CPNE9: variants seen among roughly 807,000 people sequenced by gnomAD.
CPNE9 encodes the protein copine-9.
A neutral mutation model predicts 83.0 loss-of-function variants in CPNE9; 59 were observed. The observed-to-expected ratio is 0.71, with a 90% CI of 0.58 to 0.88. CPNE9 has a LOEUF of 0.88. Among genes scored for constraint, CPNE9 ranks in the 40% least tolerant of loss-of-function variants. The pLI is 0.00. For synonymous variants in CPNE9, 256 were observed against 273.4 expected, an observed-to-expected ratio of 0.94 and a Z score of 0.63; for missense variants, 619 against 720.8, an observed-to-expected ratio of 0.86 and a Z score of 1.62.
chr3:9,717,168 T>C (rs2076691750), intron 15 of CPNE9, 64 bp downstream of exon 15: 1 of 1,550,340 alleles, frequency 6.5e-7, no homozygotes, highest in East Asian at 2.2e-5. Flanking sequence ...TCATTAGGAG[T>C]TGGCCTGGAT....
rs1402017554 is a variant in CPNE9, at chr3:9,706,126, A to G, written c.377+63A>G. ...GGCTTCCAAATTCTCCCTCCCAAGG[A>G]TGCCGCTGACTGATAGAAGTGGAGG... On this transcript the variant is annotated intron_variant, in intron 7 of 20. Transcript: ENST00000383832. 14 of 1,522,526 alleles carry G rather than the reference A, an allele frequency of 9.2e-6. No homozygotes were observed. In the East Asian group the frequency reaches 2.5e-4, roughly 27 times the overall value. 94.3% of individuals were successfully genotyped at this position (1,522,526 alleles called of 1,614,324 possible). A position where few individuals can be genotyped will look rare whatever the true frequency, so the allele number is the denominator to read the frequency against.
chr3:9,728,198 A>G (rs921281001), intron 20 of CPNE9, among the ~76,000 whole-genome samples: 11 of 152,238 alleles, frequency 7.2e-5, no homozygotes, highest in African/African-American at 2.4e-4. Context: ...AAAAGAGGTC[A>G]GGGATGGGCC....
At chr3:9,725,877 A>G (rs1007389776) in intron 17 of CPNE9, 72 bp from the exon 18 acceptor site, 10 of 1,157,452 alleles carry the variant, frequency 8.6e-6, no homozygotes, top group Admixed American at 1.7e-5. Context: ...CTGGCTGTGG[A>G]AGCTCTGGGG....
At position 9,727,145 on chromosome 3, in the gene CPNE9, G is replaced by C. The variant is rs199631146; in HGVS notation, c.1435G>C (p.Val479Leu). 4.3e-6 allele frequency: 7 copies of C among 1,614,062 alleles called. No individual in the cohort carries two copies. Among genetic ancestry groups the C allele is most frequent in the Non-Finnish European group, 5.1e-6 (6 of 1,180,042 alleles). Residue 479 changes from valine to leucine, a missense_variant, in exon 20 of 21, where the codon GTG (valine) becomes CTG (leucine). Coordinates refer to ENST00000383832, the MANE Select transcript of CPNE9 (RefSeq NM_153635.3). ...MEELDGDDVR[V>L]SSRGRYAERD... ...AGAGTTGGACGGTGATGATGTGCGC[G>C]TGTCCTCTAGGGGACGCTACGCAGA...
At chr3:9,721,439 T>C (rs1244183065) in intron 17 of CPNE9, among the ~76,000 whole-genome samples, 4 of 152,228 alleles carry the variant, frequency 2.6e-5, no homozygotes, top group South Asian at 4.1e-4. Flanking sequence ...TAAGTACTTA[T>C]AGTCTTATGT....
Position 9,729,499 on chromosome 3 carries a change from T to C in CPNE9, c.1477-8T>C, listed in dbSNP as rs771131629. On this transcript the variant is annotated splice_polypyrimidine_tract_variant and splice_region_variant and intron_variant, in intron 20 of 20. Coordinates refer to ENST00000383832, the MANE Select transcript of CPNE9 (RefSeq NM_153635.3). ...TGGCTTATCTCTTCTTGTCTGTGCC[T>C]GACCCAGTTCGTCCCATTCCGAGAC... is the stretch of plus-strand genomic sequence containing the variant. The C allele has an allele frequency of 1.9e-5, 31 of 1,607,514 alleles. No individual in the cohort carries two copies. Among genetic ancestry groups the C allele is most frequent in the Admixed American group, 1.7e-5 (1 of 59,842 alleles).
rs11708029 is a variant in CPNE9, at chr3:9,715,983, C to G, written c.832C>G (p.Leu278Val). The change falls in exon 14 of 21, where the codon CTC (leucine) becomes GTC (valine). Residue 278 changes from leucine (L) to valine (V), a missense_variant. Around this residue, in one of 3 missense-constraint regions of CPNE9, gnomAD observed 438 missense variants for 562.9 expected, o/e 0.78. Coordinates refer to ENST00000383832, the MANE Select transcript of CPNE9 (RefSeq NM_153635.3). ...KYVNSGTVTL[L>V]SFSVDSEFTF... ...CTATTCTGTCCCACAGGTGACGCTGCTCTCCTTCTCTGTGGACTCTGAATT... is the reference window on the plus strand; with the variant it reads ...CTATTCTGTCCCACAGGTGACGCTGGTCTCCTTCTCTGTGGACTCTGAATT... 6.2e-7 allele frequency: 1 copy of G among 1,611,800 alleles called. No homozygotes were observed. The highest frequency in any genetic ancestry group is 2.2e-5 in the East Asian group (1 of 44,868).
At chr3:9,729,396 C>G in intron 20 of CPNE9, 111 bp from the exon 21 acceptor site, 10 of 1,418,794 alleles carry the variant, frequency 7.0e-6, no homozygotes, top group Non-Finnish European at 9.4e-6. Context: ...GAGGGAGATA[C>G]TGTGATAGTT....
rs2076544839 is a variant in CPNE9 at position 9,704,861 on chromosome 3, C to A, written c.157-30C>A. The A allele has an allele frequency of 1.2e-6, 2 of 1,604,084 alleles. No homozygotes were observed. Among genetic ancestry groups the A allele is most frequent in the African/African-American group, 2.7e-5 (2 of 74,684 alleles). ...GGAATTCCCCTGCCCGTCTGCACGTCCCACGCTGACCCTCCACCCCCCTAC... is the reference window on the plus strand; with the variant it reads ...GGAATTCCCCTGCCCGTCTGCACGTACCACGCTGACCCTCCACCCCCCTAC... On this transcript the variant is annotated intron_variant, in intron 3 of 20. Coordinates refer to ENST00000383832, the MANE Select transcript of CPNE9 (RefSeq NM_153635.3). This position sits in a 1 kb window ranked among gnomAD's most constrained non-coding sequence, Gnocchi z 7.1.
chr3:9,704,531 T>A lies in CPNE9; in HGVS notation c.69-56T>A, dbSNP rs1011936304. 4.5e-5 allele frequency: 64 copies of A among 1,427,742 alleles called. No individual in the cohort carries two copies. In the African/African-American group the frequency reaches 7.9e-4, roughly 18 times the overall value. The allele number at this position is 1,427,742 out of a possible 1,614,324, so 88.4% of individuals were successfully genotyped here. A position where few individuals can be genotyped will look rare whatever the true frequency, so the allele number is the denominator to read the frequency against. On this transcript the variant is annotated intron_variant, in intron 1 of 20. Coordinates refer to ENST00000383832, the MANE Select transcript of CPNE9 (RefSeq NM_153635.3). The surrounding 1 kb of genome is among the most constrained non-coding windows in gnomAD (Gnocchi z 7.1). The stretch of plus-strand genomic sequence containing the variant: ...CCTCAGTGCCCGGCTCAGAGCCGAC[T>A]CGAGGCGGGCGGACTCCAGGATGAT...
At position 9,703,906 on chromosome 3, in the gene CPNE9, G is replaced by A. The variant is rs1257083504; in HGVS notation, c.-91G>A. The A allele has an allele frequency of 1.1e-5, 12 of 1,094,602 alleles. No homozygotes were observed. Among genetic ancestry groups the A allele is most frequent in the Admixed American group, 6.9e-5 (2 of 28,824 alleles). 67.8% of individuals were successfully genotyped at this position (1,094,602 alleles called of 1,614,324 possible). The stretch of plus-strand genomic sequence containing the variant: ...CAGCCGCCGCCGCCGCCGACACCGC[G>A]GCACATGGGCCGGCCCCGCCGCTGC... On this transcript the variant is annotated 5_prime_UTR_variant, in exon 1 of 21. Coordinates refer to ENST00000383832, the MANE Select transcript of CPNE9 (RefSeq NM_153635.3).
At chr3:9,722,160 A>AGCC (rs959648365) in intron 17 of CPNE9, among the ~76,000 whole-genome samples, 2 of 132,036 alleles carry the variant, frequency 1.5e-5, no homozygotes, top group African/African-American at 5.6e-5. Context: ...CAGGTGATCC[A>AGCC]CCCCCCCCCG....
chr3:9,704,152 C>T lies in CPNE9; in HGVS notation c.68+88C>T. 1.5e-6 allele frequency: 2 copies of T among 1,295,166 alleles called. No individual in the cohort carries two copies. Among genetic ancestry groups the T allele is most frequent in the Admixed American group, 2.4e-5 (1 of 41,828 alleles). 80.2% of individuals were successfully genotyped at this position (1,295,166 alleles called of 1,614,324 possible). On this transcript the variant is annotated intron_variant, in intron 1 of 20. Coordinates refer to ENST00000383832, the MANE Select transcript of CPNE9 (RefSeq NM_153635.3). The surrounding 1 kb of genome is among the most constrained non-coding windows in gnomAD (Gnocchi z 7.1). The stretch of plus-strand genomic sequence containing the variant: ...GGGCTCAGCCTGGGCAGGGGCTAGA[C>T]CCCCGGGGAGAGGCGAAATTGGCTG...
At chr3:9,705,229 C>A (rs1393731858) in intron 4 of CPNE9, among the ~76,000 whole-genome samples, 2 of 152,136 alleles carry the variant, frequency 1.3e-5, no homozygotes, top group Non-Finnish European at 2.9e-5. Context: ...ACCTCAGGCC[C>A]GACCCCTTCC....
intron 20 of CPNE9, among the ~76,000 whole-genome samples, chr3:9,728,888 C>T (rs1470916482): frequency 1.3e-5 from 2 of 152,096 alleles, no homozygotes; most frequent in African/African-American, 4.8e-5. Context: ...TTCTCAGGAT[C>T]CCTTCTCTCT....
At chr3:9,714,345 T>G (rs1324567119) in intron 10 of CPNE9, among the ~76,000 whole-genome samples, 1 of 152,120 alleles carries the variant, frequency 6.6e-6, no homozygotes. Flanking sequence ...GCTAGATGGA[T>G]AGACGGATGG....
chr3:9,704,973 A>G lies in CPNE9; in HGVS notation c.239A>G (p.Lys80Arg). The change falls in exon 4 of 21, where the codon AAG (lysine) becomes AGG (arginine). Residue 80 changes from lysine to arginine, a missense_variant. By Grantham distance (26) the Lys-to-Arg change is conservative. Transcript: ENST00000383832. This position sits in a 1 kb window ranked among gnomAD's most constrained non-coding sequence, Gnocchi z 7.1. ...KFVLDYFFEE[K>R]QNLRFDVYNV... Reference sequence around the variant, plus strand: ...GTCCTCGACTATTTCTTTGAGGAAAAGCAAAATCTGCGCTTCGATGTGTGA... The same window carrying G: ...GTCCTCGACTATTTCTTTGAGGAAAGGCAAAATCTGCGCTTCGATGTGTGA... 6.2e-7 allele frequency: 1 copy of G among 1,612,424 alleles called. No homozygotes were observed.
chr3:9,713,281 G>A (rs1307629629), intron 10 of CPNE9, among the ~76,000 whole-genome samples: 3 of 152,216 alleles, frequency 2.0e-5, no homozygotes, highest in Non-Finnish European at 2.9e-5. Flanking sequence ...GGGATGGATC[G>A]ACTGATGGAT....
intron 7 of CPNE9, 101 bp from the exon 8 acceptor site, chr3:9,712,440 A>G: frequency 1.1e-6 from 1 of 920,646 alleles, no homozygotes; most frequent in East Asian, 2.4e-5. Flanking sequence ...CTGTCAGTAA[A>G]TGGCAAACTG....
Sources: allele counts gnomAD v4.1 joint callset (sites outside exome capture counted in the v4.1 genomes callset), GRCh38; gene constraint gnomAD v4.1.1; regional missense constraint gnomAD v4.1.1; non-coding constraint Gnocchi (gnomAD v3.1); transcripts MANE v1.5; gene names NCBI Gene and HGNC (gene_info 2026-07-23, HGNC 2026-07-21).